ANKRD11: variants seen among roughly 807,000 people sequenced by gnomAD.
The protein encoded by ANKRD11 is ankyrin repeat domain-containing protein 11.
In ANKRD11, 17 loss-of-function variants were observed where a neutral mutation model predicts 195.7. The ratio of observed to expected loss-of-function variants is 0.09; its 90% confidence interval spans 0.06 to 0.13. The LOEUF (loss-of-function observed/expected upper bound fraction) is 0.13, where lower values mean the gene tolerates loss of function less well. Ranked by LOEUF, ANKRD11 falls within the 10% of genes least tolerant of loss-of-function variation. The probability of loss-of-function intolerance (pLI) is 1.00; values close to 1 mark genes in which losing one functional copy is unlikely to be tolerated. For synonymous variants in ANKRD11, 1,953 were observed against 1,528.1 expected (o/e 1.28, Z -6.49); for missense variants, 3,735 against 3,566.1 (o/e 1.05, Z -1.21).
At chr16:89,376,827 C>T (rs999329553) in intron 2 of ANKRD11, among the ~76,000 whole-genome samples, 3 of 152,152 alleles carry the variant, frequency 2.0e-5, no homozygotes, top group Admixed American at 6.5e-5. Flanking sequence ...GAAAGAGAAG[C>T]GAGCACTGGG....
intron 1 of ANKRD11, among the ~76,000 whole-genome samples, chr16:89,472,807 G>T (rs1293084173): frequency 6.6e-6 from 1 of 152,148 alleles, no homozygotes; most frequent in Non-Finnish European, 1.5e-5. Flanking sequence ...TACCACAGAG[G>T]GGAGCAGAGA....
chr16:89,422,238 CAGA>C (rs1445687030), intron 1 of ANKRD11: 2 of 152,166 alleles, frequency 1.3e-5, no homozygotes, highest in Non-Finnish European at 2.9e-5. Flanking sequence ...CACTTCCGCA[CAGA>C]AGCTCAAGGC....
At position 89,402,256 on chromosome 16, in the gene ANKRD11, C is replaced by A. The variant is rs551796288; in HGVS notation, c.-60+16028G>T. Among the ~76,000 whole-genome samples the A allele has an allele frequency of 7.2e-5, 11 of 152,278 alleles. No individual in the cohort carries two copies. The East Asian group carries it at 1.2e-3, about 16-fold the overall frequency. On this transcript the variant is annotated intron_variant, in intron 2 of 12. Coordinates refer to ENST00000301030, the MANE Select transcript of ANKRD11 (RefSeq NM_013275.6). ...AACCAATTATATCTGGGTGCCTACA[C>A]GTGACGTACGCCAGTTCTTTGTAGA... is the stretch of plus-strand genomic sequence containing the variant.
intron 2 of ANKRD11, among the ~76,000 whole-genome samples, chr16:89,338,092 C>A (rs1043935167): frequency 4.6e-5 from 7 of 152,186 alleles, no homozygotes; most frequent in African/African-American, 1.7e-4. Flanking sequence ...GCCCCAGGGG[C>A]CCCCACTATG....
In ANKRD11 at chr16:89,479,285, A is replaced by C. The variant is rs965302764; in HGVS notation, c.-145+10960T>G. 4.6e-5 allele frequency among the ~76,000 whole-genome samples: 7 copies of C among 152,120 alleles called. No homozygotes were observed. The South Asian group carries it at 1.0e-3, about 23-fold the overall frequency. On this transcript the variant is annotated intron_variant, in intron 1 of 12. Coordinates refer to ENST00000301030, the MANE Select transcript of ANKRD11 (RefSeq NM_013275.6). ...CAAAAACAAAAAAAGGAAAAAAAAAACACTAATTACAAGGAAAGTTTGCCT... is the reference window on the plus strand; with the variant it reads ...CAAAAACAAAAAAAGGAAAAAAAAACCACTAATTACAAGGAAAGTTTGCCT...
chr16:89,398,333 C>T (rs7204600), intron 2 of ANKRD11, among the ~76,000 whole-genome samples: 38,678 of 99,610 alleles, frequency 0.39, 13,371 homozygotes, highest in Middle Eastern at 0.66. Context: ...CAGCTGAAGA[C>T]TACCTGTGAC....
chr16:89,271,540 A>G (rs1049027411), intron 11 of ANKRD11: 3 of 160,678 alleles, frequency 1.9e-5, no homozygotes, highest in South Asian at 3.3e-4. Flanking sequence ...TGAAGCTGAC[A>G]ATGCCGTCTG....
intron 2 of ANKRD11, among the ~76,000 whole-genome samples, chr16:89,362,266 G>A (rs945076655): frequency 4.6e-5 from 7 of 152,204 alleles, no homozygotes; most frequent in Non-Finnish European, 7.3e-5. Flanking sequence ...GGATCTCAGC[G>A]TAAGCAGCTC....
At chr16:89,340,431 T>C (rs1439081615) in intron 2 of ANKRD11, among the ~76,000 whole-genome samples, 9 of 152,184 alleles carry the variant, frequency 5.9e-5, no homozygotes, top group Non-Finnish European at 1.2e-4. Flanking sequence ...TGCGCCACCA[T>C]GCCTGGCTAG....
At chr16:89,324,284 C>T (rs1241994209) in intron 2 of ANKRD11, 11 of 1,253,576 alleles carry the variant, frequency 8.8e-6, no homozygotes, top group East Asian at 5.6e-5. Context: ...CCCCGTGCTC[C>T]GGAACACGGA....
intron 1 of ANKRD11, among the ~76,000 whole-genome samples, chr16:89,457,799 T>C (rs1020553707): frequency 6.6e-6 from 1 of 152,128 alleles, no homozygotes; most frequent in East Asian, 1.9e-4. Flanking sequence ...CTGTACCTTC[T>C]AAAATGGCTG....
At chr16:89,324,743 A>G in intron 2 of ANKRD11, 1 of 322,730 alleles carries the variant, frequency 3.1e-6, no homozygotes, top group South Asian at 2.4e-5. Flanking sequence ...GTGGTTTGCC[A>G]GGGGTTCTTG....
Position 89,284,519 on chromosome 16 carries a change from C to G in ANKRD11, c.2023G>C (p.Glu675Gln). The G allele has an allele frequency of 1.9e-6, 3 of 1,614,098 alleles. No individual in the cohort carries two copies. The highest frequency in any genetic ancestry group is 2.5e-6 in the Non-Finnish European group (3 of 1,180,038). Residue 675 changes from glutamate to glutamine, a missense_variant, in exon 9 of 13, where the codon GAG becomes CAG. Transcript: ENST00000301030. ...KQKSDKAILL[E>Q]NDLSTENKLK... ...TTGTTTTCAGTGGAAAGATCATTCT[C>G]TAACAGTATAGCCTTATCTGACTTC...
chr16:89,439,200 G>C (rs905001154), intron 1 of ANKRD11, among the ~76,000 whole-genome samples: 4 of 152,136 alleles, frequency 2.6e-5, no homozygotes, highest in Non-Finnish European at 5.9e-5. Flanking sequence ...AAGGTTCAAG[G>C]AAGTCCCACT....
At chr16:89,400,887 C>T (rs1464233964) in intron 2 of ANKRD11, among the ~76,000 whole-genome samples, 2 of 152,130 alleles carry the variant, frequency 1.3e-5, no homozygotes, top group Admixed American at 1.3e-4. Context: ...ACCTTGGACG[C>T]CTGTCGCCCT....
At chr16:89,468,699 G>A (rs1194317484) in intron 1 of ANKRD11, among the ~76,000 whole-genome samples, 1 of 151,956 alleles carries the variant, frequency 6.6e-6, no homozygotes, top group African/African-American at 2.4e-5. Context: ...AGAGTAAGAC[G>A]CTATCTCAAA....
In ANKRD11 at chr16:89,331,010, A is replaced by G. The variant is rs375506068; in HGVS notation, c.-59-13932T>C. On this transcript the variant is annotated intron_variant, in intron 2 of 12. Transcript: ENST00000301030. ...ACTTTGTCGCCCAGGCTGGAGTGCA[A>G]TGGTGCCATCTCGGCTCACTGCAAC... 8.5e-5 allele frequency among the ~76,000 whole-genome samples: 13 copies of G among 152,274 alleles called. No individual in the cohort carries two copies. In the East Asian group the frequency reaches 1.7e-3, roughly 20 times the overall value.
intron 1 of ANKRD11, among the ~76,000 whole-genome samples, chr16:89,437,061 T>G (rs1380521614): frequency 2.0e-5 from 3 of 152,194 alleles, no homozygotes; most frequent in Non-Finnish European, 2.9e-5. Flanking sequence ...AGGAAGGAGA[T>G]GTCACAGAAG....
intron 6 of ANKRD11, among the ~76,000 whole-genome samples, chr16:89,289,545 G>A (rs55670800): frequency 0.034 from 5,191 of 152,196 alleles, 157 homozygotes; most frequent in East Asian, 0.065. Context: ...AGTTCTCTCC[G>A]GGTCCCAGGC....
Sources: gnomAD v4.1 joint callset for allele counts (sites outside exome capture counted in the v4.1 genomes callset) on GRCh38, gnomAD v4.1.1 for gene constraint, MANE v1.5 for transcripts, NCBI Gene and HGNC (gene_info 2026-07-23, HGNC 2026-07-21) for gene names.